PACSIN1: variants seen among roughly 807,000 people sequenced by gnomAD.
The protein encoded by PACSIN1 is protein kinase C and casein kinase substrate in neurons protein 1.
In PACSIN1, 15 loss-of-function variants were observed where a neutral mutation model predicts 59.5. The observed-to-expected ratio is 0.25, with a 90% CI of 0.17 to 0.39. PACSIN1 has a LOEUF of 0.39. Among genes scored for constraint, PACSIN1 ranks in the 10% least tolerant of loss-of-function variants. The probability of loss-of-function intolerance (pLI) is 1.00; values close to 1 mark genes in which losing one functional copy is unlikely to be tolerated. For missense variants in PACSIN1, 420 were observed against 580.2 expected (o/e 0.72, Z 2.84); for synonymous variants, 210 against 220.6 (o/e 0.95, Z 0.42).
At chr6:34,489,325 G>A (rs1766838251) in intron 1 of PACSIN1, among the ~76,000 whole-genome samples, 1 of 152,134 alleles carries the variant, frequency 6.6e-6, no homozygotes, top group South Asian at 2.1e-4. Context: ...TTGTAGCAAT[G>A]CTCAACAATA....
intron 1 of PACSIN1, among the ~76,000 whole-genome samples, chr6:34,505,042 G>A (rs191239930): frequency 5.3e-5 from 8 of 151,564 alleles, no homozygotes; most frequent in Middle Eastern, 3.4e-3. Context: ...TTGGAGTGTC[G>A]TGGCACAATC....
chr6:34,527,177 G>A (rs1767501900), intron 2 of PACSIN1, among the ~76,000 whole-genome samples, 155 bp from the exon 3 acceptor site: 1 of 137,790 alleles, frequency 7.3e-6, no homozygotes, highest in Non-Finnish European at 1.6e-5. Context: ...TTGCCGCTGC[G>A]CCGCGGGGCG....
chr6:34,532,813 C>A lies in PACSIN1; in HGVS notation c.*283C>A, dbSNP rs1257243330. On this transcript the variant is annotated 3_prime_UTR_variant, in exon 10 of 10. Transcript: ENST00000244458. The surrounding 1 kb of genome is among the most constrained non-coding windows in gnomAD (Gnocchi z 5.2). Reference sequence around the variant, plus strand: ...TGCTCTTCGGGTTCCACCAAAGAGTCTCCTGAGCCCTGAGGGATGGATGTC... The same window carrying A: ...TGCTCTTCGGGTTCCACCAAAGAGTATCCTGAGCCCTGAGGGATGGATGTC... 2.8e-6 allele frequency: 1 copy of A among 354,326 alleles called. No individual in the cohort carries two copies. Among genetic ancestry groups the A allele is most frequent in the Non-Finnish European group, 5.2e-6 (1 of 193,726 alleles). 21.9% of individuals were successfully genotyped at this position (354,326 alleles called of 1,614,324 possible).
intron 1 of PACSIN1, among the ~76,000 whole-genome samples, 160 bp downstream of exon 1, chr6:34,466,430 G>A (rs1212203210): frequency 1.3e-5 from 2 of 152,214 alleles, no homozygotes; most frequent in East Asian, 3.9e-4. Context: ...TGCGCGTTCG[G>A]GGATGCCTTC....
At chr6:34,495,595 GGC>G (rs1461926221) in intron 1 of PACSIN1, among the ~76,000 whole-genome samples, 2 of 152,040 alleles carry the variant, frequency 1.3e-5, no homozygotes, top group African/African-American at 2.4e-5. Flanking sequence ...TGGGATTACA[GGC>G]GCGCGCCACC....
chr6:34,498,931 A>G (rs1766986058), intron 1 of PACSIN1, among the ~76,000 whole-genome samples: 1 of 151,898 alleles, frequency 6.6e-6, no homozygotes, highest in South Asian at 2.1e-4. Context: ...TTCGTGGAAG[A>G]CAGTTTTTCC....
At chr6:34,481,668 TAAA>T (rs201102634) in intron 1 of PACSIN1, among the ~76,000 whole-genome samples, 3 of 135,332 alleles carry the variant, frequency 2.2e-5, no homozygotes. Flanking sequence ...AGACTCCATC[TAAA>T]AAAAAAAAAA....
chr6:34,470,706 T>G (rs1766560623), intron 1 of PACSIN1, among the ~76,000 whole-genome samples: 1 of 152,034 alleles, frequency 6.6e-6, no homozygotes, highest in Non-Finnish European at 1.5e-5. Context: ...TCTTACTGTG[T>G]TGCCCAGGCT....
intron 1 of PACSIN1, among the ~76,000 whole-genome samples, chr6:34,499,045 A>G (rs1234208015): frequency 6.6e-6 from 1 of 152,030 alleles, no homozygotes; most frequent in Non-Finnish European, 1.5e-5. Flanking sequence ...TTCCATTATT[A>G]TTACATTATA....
At chr6:34,466,472 A>T (rs905122708) in intron 1 of PACSIN1, among the ~76,000 whole-genome samples, 2 of 152,198 alleles carry the variant, frequency 1.3e-5, no homozygotes, top group African/African-American at 4.8e-5. Context: ...TCACCCAGGC[A>T]GTGCCAGGAT....
At position 34,467,268 on chromosome 6, in the gene PACSIN1, C is replaced by G. The variant is rs117209085; in HGVS notation, c.-64+998C>G. ...CCCCCTGCCCTATGTTCTTGGACTG[C>G]CTTGTGGCTGGGTTATTTGTCTTGT... is the stretch of plus-strand genomic sequence containing the variant. On this transcript the variant is annotated intron_variant, in intron 1 of 9. Coordinates refer to ENST00000244458, the MANE Select transcript of PACSIN1 (RefSeq NM_020804.5). Among the ~76,000 whole-genome samples, 76 of 152,318 alleles carry G rather than the reference C, an allele frequency of 5.0e-4. 3 individuals are homozygous for G. The South Asian group carries it at 7.9e-3, about 16-fold the overall frequency.
At chr6:34,501,488 G>A (rs771634602) in intron 1 of PACSIN1, among the ~76,000 whole-genome samples, 7 of 152,204 alleles carry the variant, frequency 4.6e-5, no homozygotes, top group Non-Finnish European at 8.8e-5. Context: ...GCCAGGACCC[G>A]GGCTTGTTGA....
At chr6:34,475,612 T>C (rs1581956193) in intron 1 of PACSIN1, among the ~76,000 whole-genome samples, 2 of 152,036 alleles carry the variant, frequency 1.3e-5, no homozygotes, top group African/African-American at 4.8e-5. Flanking sequence ...GGGCCTAGCC[T>C]CCCCCTGCAT....
intron 1 of PACSIN1, among the ~76,000 whole-genome samples, chr6:34,484,711 G>A (rs1041289727): frequency 6.6e-6 from 1 of 152,118 alleles, no homozygotes; most frequent in Non-Finnish European, 1.5e-5. Flanking sequence ...GGGAGAGGGT[G>A]TATGGGAACT....
intron 1 of PACSIN1, among the ~76,000 whole-genome samples, chr6:34,523,728 C>T (rs1350177617): frequency 2.0e-5 from 3 of 152,168 alleles, no homozygotes; most frequent in Non-Finnish European, 4.4e-5. Flanking sequence ...AAGGACATGG[C>T]GTTTGTCCAG....
intron 1 of PACSIN1, among the ~76,000 whole-genome samples, chr6:34,507,327 T>C (rs1254622183): frequency 2.6e-5 from 4 of 152,084 alleles, no homozygotes; most frequent in Non-Finnish European, 4.4e-5. Context: ...CTCTAGTCAG[T>C]CTGTCTTCTC....
At chr6:34,467,813 C>T (rs1362963663) in intron 1 of PACSIN1, among the ~76,000 whole-genome samples, 1 of 152,184 alleles carries the variant, frequency 6.6e-6, no homozygotes, top group Non-Finnish European at 1.5e-5. Flanking sequence ...CCACCTTGGC[C>T]TCTCAAAGTG....
rs1333917013 is a variant in PACSIN1 at position 34,516,161 on chromosome 6, T to C, written c.-63-10082T>C. Among the ~76,000 whole-genome samples, 2 of 152,010 alleles carry C rather than the reference T, an allele frequency of 1.3e-5. No individual in the cohort carries two copies. Among genetic ancestry groups the C allele is most frequent in the Non-Finnish European group, 2.9e-5 (2 of 67,960 alleles). ...CGCACCCCCTGAGAGCCCAGCTGGG[T>C]CTTTCACTGGACCACAGTGTGGGGT... On this transcript the variant is annotated intron_variant, in intron 1 of 9. Transcript: ENST00000244458. This position sits in a 1 kb window ranked among gnomAD's most constrained non-coding sequence, Gnocchi z 5.4.
At chr6:34,490,144 G>A (rs1301699947) in intron 1 of PACSIN1, among the ~76,000 whole-genome samples, 1 of 151,688 alleles carries the variant, frequency 6.6e-6, no homozygotes, top group African/African-American at 2.4e-5. Context: ...CTCGACCTCT[G>A]GGTTCAAGTG....
Sources: gnomAD v4.1 joint callset for allele counts (sites outside exome capture counted in the v4.1 genomes callset) on GRCh38, gnomAD v4.1.1 for gene constraint, Gnocchi (gnomAD v3.1) non-coding constraint, MANE v1.5 for transcripts, NCBI Gene and HGNC (gene_info 2026-07-23, HGNC 2026-07-21) for gene names.